The following KANK4 variants were observed in gnomAD, a reference collection of about 807,000 sequenced individuals.
KANK4 encodes the protein KN motif and ankyrin repeat domains 4.
KANK4 carries 50 observed loss-of-function variants against 80.8 expected under a neutral mutation model. The ratio of observed to expected loss-of-function variants is 0.62; its 90% CI spans 0.49 to 0.78. The LOEUF (loss-of-function observed/expected upper bound fraction) is 0.78. Ranked by LOEUF, KANK4 falls within the 30% of genes least tolerant of loss-of-function variation. The pLI is 0.00. For synonymous variants in KANK4, 465 were observed against 506.9 expected, an observed-to-expected ratio of 0.92 and a Z score of 1.11; for missense variants, 1,196 against 1,240.1, an observed-to-expected ratio of 0.96 and a Z score of 0.53.
At chr1:62,314,950 T>C (rs994881039) in intron 1 of KANK4, among the ~76,000 whole-genome samples, 1 of 152,216 alleles carries the variant, frequency 6.6e-6, no homozygotes, top group African/African-American at 2.4e-5. Flanking sequence ...TGCCCATGTA[T>C]CACATTCACC....
Position 62,253,207 on chromosome 1 carries a change from C to T in KANK4, c.2542G>A (p.Val848Ile), listed in dbSNP as rs746099288. 12 of 1,603,434 alleles carry T rather than the reference C, an allele frequency of 7.5e-6. No homozygotes were observed. Among genetic ancestry groups the T allele is most frequent in the Admixed American group, 3.5e-5 (2 of 57,666 alleles). ...SIVKLLLETG[V>I]CNVDHQNKAG... Reference sequence around the variant, plus strand: ...TTGTTCTGATGGTCCACATTGCAGACGCCTGCAAGAGAAGCAATGGGTGCT... The same window carrying T: ...TTGTTCTGATGGTCCACATTGCAGATGCCTGCAAGAGAAGCAATGGGTGCT... Residue 848 changes from valine (V) to isoleucine (I), a missense_variant and splice_region_variant, in exon 8 of 10, where the codon GTC becomes ATC. Coordinates refer to ENST00000371153, the MANE Select transcript of KANK4 (RefSeq NM_181712.5).
In KANK4 at chr1:62,237,215, T is replaced by C. The variant is rs972107093; in HGVS notation, c.*1062A>G. 1 of 147,284 alleles carries C rather than the reference T, an allele frequency of 6.8e-6. No homozygotes were observed. Among genetic ancestry groups the C allele is most frequent in the Non-Finnish European group, 1.5e-5 (1 of 67,240 alleles). The allele number at this position is 147,284 out of a possible 1,614,324, so 9.1% of individuals were successfully genotyped here. ...ATGACTTCACGTGAGCTACTGACCA[T>C]ATAAACCTTGCATGTGCTGGCCCCA... On this transcript the variant is annotated 3_prime_UTR_variant, in exon 10 of 10. Transcript: ENST00000371153.
chr1:62,317,500 G>A (rs1443623623), intron 1 of KANK4, among the ~76,000 whole-genome samples: 2 of 152,194 alleles, frequency 1.3e-5, no homozygotes, highest in East Asian at 1.9e-4. Context: ...GTTCAGAAAG[G>A]AAGGCACTGA....
intron 1 of KANK4, among the ~76,000 whole-genome samples, chr1:62,307,401 G>A (rs780203420): frequency 6.9e-5 from 10 of 145,220 alleles, no homozygotes; most frequent in Admixed American, 2.2e-4. Context: ...AGAATGGCTT[G>A]AATCCAGGAG....
chr1:62,272,799 T>TC (rs1391974150), intron 3 of KANK4: 1 of 151,732 alleles, frequency 6.6e-6, no homozygotes, highest in African/African-American at 2.5e-5. Flanking sequence ...TTTTCTTTTT[T>TC]TTTTTTTTTG....
Position 62,238,653 on chromosome 1 carries a change from G to T in KANK4, c.2884-272C>A, listed in dbSNP as rs112401181. Among the ~76,000 whole-genome samples the T allele has an allele frequency of 0.24, 35,372 of 145,642 alleles. 4,852 individuals are homozygous for T. The highest frequency in any genetic ancestry group is 0.31 in the Non-Finnish European group (20,524 of 66,438). On this transcript the variant is annotated intron_variant, in intron 9 of 9. Transcript: ENST00000371153. ...TGCTCTTTTTTTTTTTTTTTGAGAT[G>T]GAGTCTCACTCTATCGCCCAGGGTG...
chr1:62,316,389 A>G (rs1023529816), intron 1 of KANK4, among the ~76,000 whole-genome samples: 1 of 152,222 alleles, frequency 6.6e-6, no homozygotes, highest in African/African-American at 2.4e-5. Flanking sequence ...TCTTCCAGCC[A>G]TGAGCAGTGG....
At position 62,268,453 on chromosome 1, in the gene KANK4, C is replaced by T; in HGVS notation, c.2065G>A (p.Asp689Asn). The T allele has an allele frequency of 6.2e-7, 1 of 1,613,898 alleles. No homozygotes were observed. Among genetic ancestry groups the T allele is most frequent in the Non-Finnish European group, 8.5e-7 (1 of 1,180,038 alleles). Reference protein sequence around the residue: ...ETSGEDSTPEDLSDSEAEKKC... With the variant: ...ETSGEDSTPENLSDSEAEKKC... ...TTCTCTGCCTCGCTGTCAGACAAGT[C>T]CTCTGGGGTGCTGTCCTCACCGCTG... Residue 689 changes from aspartate to asparagine, a missense_variant, in exon 5 of 10, where the codon GAC becomes AAC. Coordinates refer to ENST00000371153, the MANE Select transcript of KANK4 (RefSeq NM_181712.5).
Position 62,247,676 on chromosome 1 carries a change from C to A in KANK4, c.2683-4G>T, listed in dbSNP as rs756434968. 1 of 1,612,530 alleles carries A rather than the reference C, an allele frequency of 6.2e-7. No homozygotes were observed. The highest frequency in any genetic ancestry group is 1.7e-5 in the Admixed American group (1 of 60,010). ...GCATCAGCGCAGTCTGGCCTCCCTG[C>A]ATGCAGAGCCACAGGGATGTGGTGA... is the stretch of plus-strand genomic sequence containing the variant. On this transcript the variant is annotated splice_polypyrimidine_tract_variant and splice_region_variant and intron_variant, in intron 8 of 9. Transcript: ENST00000371153.
At chr1:62,258,989 G>GAGGGA (rs1372564400) in intron 7 of KANK4, among the ~76,000 whole-genome samples, 1 of 152,116 alleles carries the variant, frequency 6.6e-6, no homozygotes, top group Non-Finnish European at 1.5e-5. Flanking sequence ...GGCTGGAGTG[G>GAGGGA]AGGGAAGGAG....
At chr1:62,289,316 C>A (rs998171408) in intron 1 of KANK4, among the ~76,000 whole-genome samples, 2 of 152,156 alleles carry the variant, frequency 1.3e-5, no homozygotes, top group African/African-American at 4.8e-5. Context: ...CCATCAGAGC[C>A]AAGATTTGAA....
Position 62,283,562 on chromosome 1 carries a change from T to C in KANK4, c.-70-1928A>G, listed in dbSNP as rs568711752. Among the ~76,000 whole-genome samples the C allele has an allele frequency of 2.6e-5, 4 of 152,288 alleles. No homozygotes were observed. The East Asian group carries it at 7.7e-4, about 29-fold the overall frequency. On this transcript the variant is annotated intron_variant, in intron 1 of 9. Coordinates refer to ENST00000371153, the MANE Select transcript of KANK4 (RefSeq NM_181712.5). ...ACTATGACTGATCTTTAATTCCCCC[T>C]GTGAGGGGAAATGCTTCTGACTGGT...
chr1:62,281,555 T>C lies in KANK4; in HGVS notation c.10A>G (p.Thr4Ala). MEK[T>A]DAKDQSSQGD... ...TACAAAGCAGCTTGCCTACCATCTGTCTTCTCCATCTTTGGAGCGCTGACC... is the reference window on the plus strand; with the variant it reads ...TACAAAGCAGCTTGCCTACCATCTGCCTTCTCCATCTTTGGAGCGCTGACC... Residue 4 changes from threonine (T) to alanine (A), a missense_variant, in exon 2 of 10, where the codon ACA becomes GCA. By Grantham distance (58) the Thr-to-Ala change is moderately conservative. This residue lies in a region of KANK4 where 36 missense variants were observed against 34.0 expected (regional missense o/e 1.06). Transcript: ENST00000371153. The C allele has an allele frequency of 6.2e-7, 1 of 1,614,228 alleles. No individual in the cohort carries two copies. Among genetic ancestry groups the C allele is most frequent in the Non-Finnish European group, 8.5e-7 (1 of 1,180,036 alleles).
In KANK4 at chr1:62,274,913, G is replaced by T. The variant is rs139472151; in HGVS notation, c.191C>A (p.Ala64Asp). The T allele has an allele frequency of 2.1e-5, 34 of 1,614,028 alleles. No homozygotes were observed. The highest frequency in any genetic ancestry group is 2.5e-5 in the Non-Finnish European group (30 of 1,180,034). ...RIPIHRRAKQ[A>D]KFSTLPRNFS... ...GTTTCGGGGCAGAGTGCTAAATTTG[G>T]CCTGCTTGGCCCTTCTGTGGATAGG... Residue 64 changes from alanine to aspartate, a missense_variant, in exon 3 of 10, where the codon GCC becomes GAC. Around this residue, in one of 3 missense-constraint regions of KANK4, gnomAD observed 1,154 missense variants for 1,179.6 expected, o/e 0.98. Coordinates refer to ENST00000371153, the MANE Select transcript of KANK4 (RefSeq NM_181712.5).
chr1:62,269,243 A>C (rs541197279), intron 4 of KANK4, among the ~76,000 whole-genome samples: 1 of 152,368 alleles, frequency 6.6e-6, no homozygotes, highest in South Asian at 2.1e-4. Context: ...AAGTCCTGGA[A>C]GATTTATTGA....
At chr1:62,265,867 G>A (rs1217291154) in intron 6 of KANK4, among the ~76,000 whole-genome samples, 1 of 152,172 alleles carries the variant, frequency 6.6e-6, no homozygotes, top group African/African-American at 2.4e-5. Context: ...TTGACCCAGA[G>A]GTACACTTCA....
chr1:62,288,599 C>A (rs1672617828), intron 1 of KANK4, among the ~76,000 whole-genome samples: 1 of 152,148 alleles, frequency 6.6e-6, no homozygotes, highest in African/African-American at 2.4e-5. Context: ...CCTGTGGGTG[C>A]AGCCATCCAG....
At chr1:62,241,178 T>C (rs1179681079) in intron 9 of KANK4, among the ~76,000 whole-genome samples, 1 of 152,128 alleles carries the variant, frequency 6.6e-6, no homozygotes, top group East Asian at 1.9e-4. Context: ...TCAGGCTTTT[T>C]CCCATGCACG....
chr1:62,264,348 T>C (rs945549034), intron 6 of KANK4, among the ~76,000 whole-genome samples: 2 of 151,750 alleles, frequency 1.3e-5, no homozygotes, highest in Non-Finnish European at 2.9e-5. Context: ...ACCCGGGAGG[T>C]GGAGGTTGTG....
Sources: allele counts gnomAD v4.1 joint callset (sites outside exome capture counted in the v4.1 genomes callset), GRCh38; gene constraint gnomAD v4.1.1; regional missense constraint gnomAD v4.1.1; transcripts MANE v1.5; gene names NCBI Gene and HGNC (gene_info 2026-07-23, HGNC 2026-07-21).